WLS: variants seen among roughly 807,000 people sequenced by gnomAD.
The protein encoded by WLS is Wnt ligand secretion mediator, also known as protein wntless homolog.
WLS carries 23 observed loss-of-function variants against 62.8 expected under a neutral mutation model. The ratio of observed to expected loss-of-function variants is 0.37; its 90% CI spans 0.26 to 0.52. The LOEUF (loss-of-function observed/expected upper bound fraction) is 0.52, where lower values mean the gene tolerates loss of function less well. WLS is among the 20% of genes least tolerant of loss of function. WLS has a pLI of 0.92. For synonymous variants in WLS, 246 were observed against 244.1 expected (o/e 1.01, Z -0.07); for missense variants, 615 against 697.3 (o/e 0.88, Z 1.33).
chr1:68,224,472 G>C (rs1274238817), intron 1 of WLS, among the ~76,000 whole-genome samples: 1 of 152,152 alleles, frequency 6.6e-6, no homozygotes, highest in African/African-American at 2.4e-5. Context: ...GACCTACGAT[G>C]TATGCTAAAT....
chr1:68,150,663 G>C (rs900928606), intron 5 of WLS, among the ~76,000 whole-genome samples: 2 of 152,086 alleles, frequency 1.3e-5, no homozygotes, highest in African/African-American at 4.8e-5. Context: ...TCTCACCCAG[G>C]CCTCAGTGAG....
intron 2 of WLS, among the ~76,000 whole-genome samples, chr1:68,160,071 C>CT (rs58448910): frequency 0.52 from 48,777 of 93,624 alleles, 13,578 homozygotes; most frequent in South Asian, 0.62. Flanking sequence ...GCAGAGAAGT[C>CT]TTTTTTTTTT....
intron 11 of WLS, among the ~76,000 whole-genome samples, chr1:68,112,973 C>T (rs1250689331): frequency 1.3e-5 from 2 of 152,210 alleles, no homozygotes; most frequent in Admixed American, 1.3e-4. Context: ...AGGCCAAATC[C>T]ATGAACCTCA....
intron 1 of WLS, among the ~76,000 whole-genome samples, chr1:68,222,923 G>T (rs1274530151): frequency 1.5e-5 from 2 of 136,336 alleles, no homozygotes; most frequent in African/African-American, 5.4e-5. Context: ...GGGGGTGGGG[G>T]TGGGGGGCAG....
rs1216833538 is a variant in WLS, at chr1:68,153,627, G to T, written c.693C>A (p.Thr231=). 6.2e-7 allele frequency: 1 copy of T among 1,614,184 alleles called. No homozygotes were observed. Among genetic ancestry groups the T allele is most frequent in the South Asian group, 1.1e-5 (1 of 91,082 alleles). Reference sequence around the variant, plus strand: ...AGGTCTTCATGGCAAACCACACCTTGGTGAAGCCTCCATTTTGGTGGATCC... The same window carrying T: ...AGGTCTTCATGGCAAACCACACCTTTGTGAAGCCTCCATTTTGGTGGATCC... ...LVGIHQNGGF[T]KVWFAMKTFL... is the part of the protein sequence containing the mutation. The change falls in exon 5 of 12, where the codon ACC becomes ACA. Residue 231 remains threonine, a synonymous_variant. Coordinates refer to ENST00000262348, the MANE Select transcript of WLS (RefSeq NM_024911.7).
intron 11 of WLS, among the ~76,000 whole-genome samples, chr1:68,106,573 G>T (rs958143870): frequency 2.0e-5 from 3 of 152,182 alleles, no homozygotes; most frequent in Non-Finnish European, 4.4e-5. Flanking sequence ...CGTGTCCCTT[G>T]CAAACCTAGG....
At chr1:68,168,798 G>C (rs1647101361) in intron 2 of WLS, among the ~76,000 whole-genome samples, 1 of 152,094 alleles carries the variant, frequency 6.6e-6, no homozygotes, top group Admixed American at 6.5e-5. Context: ...ATATAATCTG[G>C]AGTTATTTAT....
intron 1 of WLS, among the ~76,000 whole-genome samples, chr1:68,225,736 C>G (rs545163171): frequency 1.3e-5 from 2 of 152,278 alleles, no homozygotes; most frequent in Non-Finnish European, 2.9e-5. Context: ...GTAAGAGGCT[C>G]TTTTCTCAAT....
In WLS at chr1:68,205,835, C is replaced by T. The variant is rs182871938; in HGVS notation, c.107-11608G>A. ...CTGGGCAAAGGAACCTTCTGCTGCA[C>T]GTATGTACTATTTCCCAGAGATGTA... On this transcript the variant is annotated intron_variant, in intron 1 of 11. Coordinates refer to ENST00000262348, the MANE Select transcript of WLS (RefSeq NM_024911.7). 6.6e-5 allele frequency among the ~76,000 whole-genome samples: 10 copies of T among 152,312 alleles called. No homozygotes were observed. In the East Asian group the frequency reaches 7.7e-4, roughly 12 times the overall value.
intron 11 of WLS, among the ~76,000 whole-genome samples, chr1:68,101,195 GGAT>G (rs1402846783): frequency 2.0e-5 from 3 of 151,914 alleles, no homozygotes; most frequent in Non-Finnish European, 4.4e-5. Context: ...AGTAACATGG[GGAT>G]GATAATAATC....
intron 10 of WLS, among the ~76,000 whole-genome samples, chr1:68,141,965 C>T (rs555857146): frequency 2.3e-4 from 35 of 152,256 alleles, no homozygotes; most frequent in African/African-American, 6.5e-4. Flanking sequence ...AAATCCACTC[C>T]GGGCCGACTG....
intron 10 of WLS, among the ~76,000 whole-genome samples, chr1:68,138,865 A>G (rs1646648545): frequency 6.6e-6 from 1 of 152,242 alleles, no homozygotes; most frequent in South Asian, 2.1e-4. Flanking sequence ...GCTGCGTTGT[A>G]TAAACTTTCT....
chr1:68,151,581 T>C (rs1646826331), intron 5 of WLS, among the ~76,000 whole-genome samples: 1 of 151,534 alleles, frequency 6.6e-6, no homozygotes, highest in African/African-American at 2.4e-5. Context: ...AAGAAAAAGA[T>C]AATAAATGAA....
chr1:68,103,509 A>G (rs1438332180), intron 11 of WLS, among the ~76,000 whole-genome samples: 2 of 152,228 alleles, frequency 1.3e-5, no homozygotes, highest in Non-Finnish European at 2.9e-5. Flanking sequence ...TTCTCTTCTT[A>G]TGGATTCAAG....
intron 11 of WLS, among the ~76,000 whole-genome samples, chr1:68,134,305 G>T (rs1038531055): frequency 1.3e-5 from 2 of 152,132 alleles, no homozygotes; most frequent in Non-Finnish European, 2.9e-5. Context: ...AAAATAAGCA[G>T]AATGCCCAAC....
At chr1:68,128,490 T>C (rs552716325) in intron 11 of WLS, among the ~76,000 whole-genome samples, 1 of 152,212 alleles carries the variant, frequency 6.6e-6, no homozygotes, top group South Asian at 2.1e-4. Flanking sequence ...GTGGACCCAT[T>C]AGCACTCATA....
chr1:68,195,070 T>G (rs1648587337), intron 1 of WLS, among the ~76,000 whole-genome samples: 1 of 152,230 alleles, frequency 6.6e-6, no homozygotes, highest in Non-Finnish European at 1.5e-5. Context: ...TTTCTATGAC[T>G]GTGTAATTAG....
chr1:68,137,765 G>A lies in WLS; in HGVS notation c.1516+15C>T, dbSNP rs1271381347. 5 of 1,612,314 alleles carry A rather than the reference G, an allele frequency of 3.1e-6. No individual in the cohort carries two copies. The highest frequency in any genetic ancestry group is 2.2e-5 in the South Asian group (2 of 90,726). On this transcript the variant is annotated intron_variant, in intron 11 of 11. Transcript: ENST00000262348. Reference sequence around the variant, plus strand: ...TTATCCTGACTTAAGCTGTTCTAAAGAGACAGAAACTCACCATTGGACTGG... The same window carrying A: ...TTATCCTGACTTAAGCTGTTCTAAAAAGACAGAAACTCACCATTGGACTGG...
intron 2 of WLS, among the ~76,000 whole-genome samples, chr1:68,191,366 T>C (rs1039379586): frequency 6.6e-5 from 10 of 152,150 alleles, no homozygotes; most frequent in Non-Finnish European, 1.5e-4. Context: ...TTTGCTTGAA[T>C]GCATTCTTAG....
Sources: allele counts gnomAD v4.1 joint callset (sites outside exome capture counted in the v4.1 genomes callset), GRCh38; gene constraint gnomAD v4.1.1; transcripts MANE v1.5; gene names NCBI Gene and HGNC (gene_info 2026-07-23, HGNC 2026-07-21).